CRNN: variants seen among roughly 807,000 people sequenced by gnomAD.
CRNN encodes the protein cornulin.
Under a neutral mutation model 44.7 loss-of-function variants are expected in CRNN, and 39 were observed. That is an observed-to-expected ratio of 0.87 (90% CI 0.68 to 1.14). CRNN has a LOEUF of 1.14. Ranked by LOEUF, CRNN falls within the 50% of genes most tolerant of loss-of-function variation. The pLI, the probability that CRNN is intolerant of heterozygous loss-of-function variation, is 0.00. For missense variants in CRNN, 606 were observed against 605.1 expected, an observed-to-expected ratio of 1.00 and a Z score of -0.02; for synonymous variants, 240 against 231.8, an observed-to-expected ratio of 1.04 and a Z score of -0.32.
In CRNN at chr1:152,409,669, A is replaced by G. The variant is rs200543954; in HGVS notation, c.1413T>C (p.Asp471=). ...HTSVSSAQGQ[D]AAQSEEKRGI... Reference sequence around the variant, plus strand: ...CTCGCTTCTCTTCTGACTGGGCTGCATCCTGGCCCTGTGCTGAGGAAACAC... The same window carrying G: ...CTCGCTTCTCTTCTGACTGGGCTGCGTCCTGGCCCTGTGCTGAGGAAACAC... The change falls in exon 3 of 3, where the codon GAT becomes GAC. Residue 471 remains aspartate, a synonymous_variant. Transcript: ENST00000271835. The G allele has an allele frequency of 2.0e-5, 32 of 1,614,210 alleles. No individual in the cohort carries two copies. The Admixed American group carries it at 5.3e-4, about 27-fold the overall frequency.
intron 2 of CRNN, 135 bp from the exon 3 acceptor site, chr1:152,411,078 T>C (rs1655748002): frequency 2.9e-6 from 4 of 1,389,952 alleles, no homozygotes. Context: ...GCAGCAAGAC[T>C]TAATTGCCTT....
Position 152,410,488 on chromosome 1 carries a change from G to A in CRNN, c.594C>T (p.Gly198=), listed in dbSNP as rs777951491. 6.2e-7 allele frequency: 1 copy of A among 1,614,124 alleles called. No homozygotes were observed. The highest frequency in any genetic ancestry group is 1.3e-5 in the African/African-American group (1 of 75,020). ...QTEQTQKAGE[G]KRNQTTEMRP... ...TCATCTCTGTTGTCTGATTCCTCTT[G>A]CCTTCTCCAGCTTTCTGGGTCTGCT... The change falls in exon 3 of 3, where the codon GGC becomes GGT. Residue 198 remains glycine (G), a synonymous_variant. Transcript: ENST00000271835.
intron 1 of CRNN, 71 bp from the exon 2 acceptor site, chr1:152,412,317 C>T: frequency 2.1e-6 from 3 of 1,449,784 alleles, no homozygotes; most frequent in Non-Finnish European, 1.9e-6. Flanking sequence ...AGCACGTCTG[C>T]TGCTAGGTCT....
Position 152,412,236 on chromosome 1 carries a change from T to C in CRNN, c.-3A>G. On this transcript the variant is annotated 5_prime_UTR_variant, in exon 2 of 3. Transcript: ENST00000271835. ...ATGTTTTGCAGTAACTGAGGCATCT[T>C]TGAAGTCAACCTGGAAAAGATGAAA... The C allele has an allele frequency of 6.2e-7, 1 of 1,606,208 alleles. No homozygotes were observed. The highest frequency in any genetic ancestry group is 8.5e-7 in the Non-Finnish European group (1 of 1,173,706).
intron 2 of CRNN, among the ~76,000 whole-genome samples, chr1:152,411,879 T>C (rs1490703868): frequency 6.6e-6 from 1 of 152,216 alleles, no homozygotes; most frequent in Admixed American, 6.5e-5. Flanking sequence ...TAGAATTAAT[T>C]AAAACCAAGG....
At chr1:152,413,522 G>C (rs1655829641) in intron 1 of CRNN, among the ~76,000 whole-genome samples, 1 of 152,138 alleles carries the variant, frequency 6.6e-6, no homozygotes, top group African/African-American at 2.4e-5. Context: ...AGATTAGTGT[G>C]GCCATGAGGA....
At chr1:152,411,653 T>C (rs1446816143) in intron 2 of CRNN, among the ~76,000 whole-genome samples, 1 of 152,210 alleles carries the variant, frequency 6.6e-6, no homozygotes. Context: ...ATCAGTCTGC[T>C]AATATTTTTG....
chr1:152,412,388 T>C, intron 1 of CRNN, 142 bp from the exon 2 acceptor site: 1 of 816,220 alleles, frequency 1.2e-6, no homozygotes, highest in Non-Finnish European at 1.9e-6. Context: ...TAATGCATCT[T>C]ATGTATGGGA....
chr1:152,413,049 G>A (rs1376110690), intron 1 of CRNN, among the ~76,000 whole-genome samples: 3 of 152,122 alleles, frequency 2.0e-5, no homozygotes, highest in Non-Finnish European at 4.4e-5. Context: ...TGCTGGGAAT[G>A]CTCAGGAGGG....
rs888170402 is a variant in CRNN, at chr1:152,410,221, A to C, written c.861T>G (p.Ala287=). The C allele has an allele frequency of 1.2e-6, 2 of 1,608,376 alleles. No individual in the cohort carries two copies. Among genetic ancestry groups the C allele is most frequent in the Non-Finnish European group, 8.5e-7 (1 of 1,179,062 alleles). Residue 287 remains alanine, a synonymous_variant, in exon 3 of 3, where the codon GCT becomes GCG. Transcript: ENST00000271835. ...GGGTGTGTGTCCCTGCCTGTATCTG[A>C]GCATGTCCTCCTGTCACAGCCTGGC... ...QTSQAVTGGH[A]QIQAGTHTQT... is the part of the protein sequence containing the mutation.
rs1426989680 is a variant in CRNN at position 152,409,428 on chromosome 1, G to C, written c.*166C>G. Reference sequence around the variant, plus strand: ...AAGCAGGTAAGAAAGAAGAGTTCAGGATAGAAAGCTCCTTGCAGAAATTAT... The same window carrying C: ...AAGCAGGTAAGAAAGAAGAGTTCAGCATAGAAAGCTCCTTGCAGAAATTAT... On this transcript the variant is annotated 3_prime_UTR_variant, in exon 3 of 3. Coordinates refer to ENST00000271835, the MANE Select transcript of CRNN (RefSeq NM_016190.3). The C allele has an allele frequency of 7.8e-7, 1 of 1,285,716 alleles. No individual in the cohort carries two copies. Among genetic ancestry groups the C allele is most frequent in the African/African-American group, 1.5e-5 (1 of 66,828 alleles). 79.6% of individuals were successfully genotyped at this position (1,285,716 alleles called of 1,614,324 possible).
At chr1:152,412,758 C>T (rs1655805810) in intron 1 of CRNN, among the ~76,000 whole-genome samples, 1 of 152,118 alleles carries the variant, frequency 6.6e-6, no homozygotes, top group African/African-American at 2.4e-5. Flanking sequence ...GGTGAGGAAA[C>T]AGGCTCAGAG....
chr1:152,413,284 C>A (rs1441077534), intron 1 of CRNN, among the ~76,000 whole-genome samples: 1 of 152,032 alleles, frequency 6.6e-6, no homozygotes, highest in Non-Finnish European at 1.5e-5. Context: ...GAGGTGAGGC[C>A]TGGGTTTGGT....
At position 152,410,603 on chromosome 1, in the gene CRNN, C is replaced by A. The variant is rs368504295; in HGVS notation, c.479G>T (p.Gly160Val). 3.1e-5 allele frequency: 50 copies of A among 1,614,134 alleles called. 1 individual carries two copies. In the Middle Eastern group the frequency reaches 8.2e-4, roughly 27 times the overall value. Residue 160 changes from glycine to valine, a missense_variant, in exon 3 of 3, where the codon GGC (glycine) becomes GTC (valine). By Grantham distance (109) the Gly-to-Val change is moderately radical. Transcript: ENST00000271835. ...GTCATAGCTGCTGACCCACGCAGAG[C>A]CAGTGGCCTGACCCTGGGTCTGAAC... ...PGVQTQGQATGSAWVSSYDRQ... is the reference protein window; with the variant it reads ...PGVQTQGQATVSAWVSSYDRQ...
chr1:152,410,011 A>G lies in CRNN; in HGVS notation c.1071T>C (p.Thr357=). The part of the protein sequence containing the change: ...TQIQAGSHTE[T]VEQDRSQTVS... ...CAGTTTGGCTTCTGTCCTGCTCCAC[A>G]GTCTCGGTGTGTGACCCTGCCTGTA... Residue 357 remains threonine (T), a synonymous_variant, in exon 3 of 3, where the codon ACT becomes ACC. Coordinates refer to ENST00000271835, the MANE Select transcript of CRNN (RefSeq NM_016190.3). 6 of 1,607,602 alleles carry G rather than the reference A, an allele frequency of 3.7e-6. No individual in the cohort carries two copies. Among genetic ancestry groups the G allele is most frequent in the Non-Finnish European group, 4.2e-6 (5 of 1,178,108 alleles).
Position 152,409,945 on chromosome 1 carries a change from CG to C in CRNN, c.1136del (p.Thr379SerfsTer12). On this transcript the variant is annotated frameshift_variant, in exon 3 of 3. Coordinates refer to ENST00000271835, the MANE Select transcript of CRNN (RefSeq NM_016190.3). LOFTEE classifies it high-confidence loss of function. ...TCCATCTTTGACCACTGCCTGGCTG[CG>C]TCTGGGTCTGTCCCTGTTCTCTAGC... ...GGAREQGQTQ[T>X]QPGSGQRWMQ... 6.2e-7 allele frequency: 1 copy of C among 1,614,098 alleles called. No individual in the cohort carries two copies. Among genetic ancestry groups the C allele is most frequent in the Non-Finnish European group, 8.5e-7 (1 of 1,180,038 alleles).
At chr1:152,413,680 A>T (rs1477898941) in intron 1 of CRNN, among the ~76,000 whole-genome samples, 1 of 152,084 alleles carries the variant, frequency 6.6e-6, no homozygotes, top group Non-Finnish European at 1.5e-5. Flanking sequence ...CTTTTTTTTT[A>T]AAACCATGTA....
Position 152,410,075 on chromosome 1 carries a change from C to T in CRNN, c.1007G>A (p.Ser336Asn), listed in dbSNP as rs773646996. The change falls in exon 3 of 3, where the codon AGC becomes AAC. Residue 336 changes from serine to asparagine, a missense_variant. By Grantham distance (46) the Ser-to-Asn change is conservative. Transcript: ENST00000271835. ...RGTEIHGQGR[S>N]QTSQAVTGGH... ...TCCTGTCACAGCCTGGCTGGTCTGG[C>T]TCCTGCCTTGACCGTGGATCTCAGT... 4 of 1,613,998 alleles carry T rather than the reference C, an allele frequency of 2.5e-6. No individual in the cohort carries two copies. The highest frequency in any genetic ancestry group is 3.4e-6 in the Non-Finnish European group (4 of 1,179,998).
Position 152,409,546 on chromosome 1 carries a change from C to G in CRNN, c.*48G>C, listed in dbSNP as rs779479300. 1 of 1,565,922 alleles carries G rather than the reference C, an allele frequency of 6.4e-7. No individual in the cohort carries two copies. The highest frequency in any genetic ancestry group is 8.7e-7 in the Non-Finnish European group (1 of 1,155,172). On this transcript the variant is annotated 3_prime_UTR_variant, in exon 3 of 3. Transcript: ENST00000271835. ...GATTGGCCATGCAGGACAAGCCAAA[C>G]TCTCTCCAGCTGTCTTCTTCCAGTA... is the stretch of plus-strand genomic sequence containing the variant.
Sources: gnomAD v4.1 joint callset for allele counts (sites outside exome capture counted in the v4.1 genomes callset) on GRCh38, gnomAD v4.1.1 for gene constraint, MANE v1.5 for transcripts, NCBI Gene and HGNC (gene_info 2026-07-23, HGNC 2026-07-21) for gene names.